ADGRL2: variants seen among roughly 807,000 people sequenced by gnomAD.
ADGRL2 encodes adhesion G protein-coupled receptor L2.
Under a neutral mutation model 157.4 loss-of-function variants are expected in ADGRL2, and 44 were observed. That is an observed-to-expected ratio of 0.28 (90% confidence interval 0.22 to 0.36). ADGRL2 has a LOEUF of 0.36. ADGRL2 is among the 10% of genes least tolerant of loss of function. ADGRL2 has a pLI of 1.00. For missense variants in ADGRL2, 1,510 were observed against 1,768.9 expected (o/e 0.85, Z 2.63); for synonymous variants, 585 against 624.7 (o/e 0.94, Z 0.95).
At chr1:81,981,449 A>G (rs17107618) in intron 18 of ADGRL2, among the ~76,000 whole-genome samples, 4,547 of 152,058 alleles carry the variant, frequency 0.03, 75 homozygotes, top group Non-Finnish European at 0.037. Flanking sequence ...TGAGTACACC[A>G]TAGGAATAAA....
chr1:81,349,431 G>A (rs1265130961), intron 1 of ADGRL2, among the ~76,000 whole-genome samples: 1 of 152,046 alleles, frequency 6.6e-6, no homozygotes. Flanking sequence ...GTAAACCTTG[G>A]CACACAGGCA....
Position 81,783,495 on chromosome 1 carries a change from T to A in ADGRL2, c.-101+21643T>A, listed in dbSNP as rs542274210. ...TTTGCCTCTATCTTCTTCTTATTTT[T>A]ATCTCTTGTTGTTTGTAAATCTCCT... On this transcript the variant is annotated intron_variant, in intron 2 of 20. Transcript: ENST00000359929. Among the ~76,000 whole-genome samples, 17 of 152,256 alleles carry A rather than the reference T, an allele frequency of 1.1e-4. No homozygotes were observed. In the South Asian group the frequency reaches 1.4e-3, roughly 13 times the overall value.
rs1001941417 is a variant in ADGRL2 at position 81,527,268 on chromosome 1, G to T, written c.-247-53608G>T. ...CCAGTTTCCCTCATCACAAAGTGTT[G>T]TCAGTCGCAGCTGTAGTCTGAGTTT... On this transcript the variant is annotated intron_variant, in intron 2 of 24. Transcript: ENST00000370721. Among the ~76,000 whole-genome samples, 6 of 152,228 alleles carry T rather than the reference G, an allele frequency of 3.9e-5. No individual in the cohort carries two copies. In the East Asian group the frequency reaches 1.2e-3, roughly 29 times the overall value.
intron 3 of ADGRL2, among the ~76,000 whole-genome samples, chr1:81,645,748 G>A (rs190019514): frequency 2.6e-4 from 40 of 152,090 alleles, no homozygotes; most frequent in Admixed American, 3.3e-4. Context: ...CTTGTGAGTC[G>A]TTCTTCACTT....
chr1:81,571,423 ATG>A (rs201384435), intron 2 of ADGRL2, among the ~76,000 whole-genome samples: 9 of 147,804 alleles, frequency 6.1e-5, no homozygotes, highest in African/African-American at 1.5e-4. Context: ...ATGTATATAT[ATG>A]TGTGTGTGTG....
At chr1:81,723,019 A>G (rs1276365759) in intron 1 of ADGRL2, 2 of 775,908 alleles carry the variant, frequency 2.6e-6, no homozygotes, top group Non-Finnish European at 4.6e-6. Flanking sequence ...ACAGCAACCC[A>G]AAGGTTATGA....
intron 3 of ADGRL2, among the ~76,000 whole-genome samples, chr1:81,674,439 A>G (rs2082942261): frequency 6.6e-6 from 1 of 152,200 alleles, no homozygotes. Context: ...CTTTCCTGAC[A>G]GCCCAAACTT....
chr1:81,729,971 A>G (rs2084665002), intron 1 of ADGRL2, among the ~76,000 whole-genome samples: 1 of 152,226 alleles, frequency 6.6e-6, no homozygotes, highest in African/African-American at 2.4e-5. Context: ...ACTGATAGAG[A>G]TAGTTTCACC....
intron 2 of ADGRL2, among the ~76,000 whole-genome samples, chr1:81,471,892 T>C (rs1009897559): frequency 3.3e-5 from 5 of 152,222 alleles, no homozygotes; most frequent in African/African-American, 1.2e-4. Context: ...TTTTCTTCAG[T>C]ATATTGGCTA....
At chr1:81,475,954 A>G (rs888802540) in intron 2 of ADGRL2, among the ~76,000 whole-genome samples, 4 of 152,166 alleles carry the variant, frequency 2.6e-5, no homozygotes, top group Middle Eastern at 3.2e-3. Context: ...TTCCATTTCT[A>G]TGCCAGAAGG....
chr1:81,451,820 C>A (rs2077708061), intron 2 of ADGRL2, among the ~76,000 whole-genome samples: 1 of 152,150 alleles, frequency 6.6e-6, no homozygotes, highest in African/African-American at 2.4e-5. Context: ...ATTAAAACCA[C>A]TCTATTTTAT....
chr1:81,587,204 C>T (rs2081045442), intron 3 of ADGRL2, among the ~76,000 whole-genome samples: 1 of 151,932 alleles, frequency 6.6e-6, no homozygotes, highest in African/African-American at 2.4e-5. Context: ...ATTCTTAGAA[C>T]ATTCAAAGTT....
intron 1 of ADGRL2, among the ~76,000 whole-genome samples, chr1:81,369,870 T>C (rs1397031544): frequency 6.6e-6 from 1 of 152,224 alleles, no homozygotes; most frequent in African/African-American, 2.4e-5. Context: ...TTATTTATTT[T>C]TTATTTCACT....
At chr1:81,433,858 A>G (rs964746327) in intron 1 of ADGRL2, among the ~76,000 whole-genome samples, 1 of 152,132 alleles carries the variant, frequency 6.6e-6, no homozygotes, top group Non-Finnish European at 1.5e-5. Flanking sequence ...AAGTCATGTA[A>G]AGGCTTCAGG....
chr1:81,825,754 C>T (rs528158563), intron 1 of ADGRL2, among the ~76,000 whole-genome samples: 1 of 133,602 alleles, frequency 7.5e-6, no homozygotes, highest in Admixed American at 7.5e-5. Context: ...AGAAACATTT[C>T]TGAGATCAAC....
rs12133043 is a variant in ADGRL2 at position 81,344,682 on chromosome 1, A to T, written c.-302+38173A>T. On this transcript the variant is annotated intron_variant, in intron 1 of 24. Coordinates refer to the ADGRL2 transcript ENST00000370721. ...ACTCTGTCTCAAAAAAAAAAAAAAA[A>T]AAAAAAAAGCAGATTATATTTAAAA... Among the ~76,000 whole-genome samples the T allele has an allele frequency of 5.3e-3, 784 of 147,200 alleles. 9 individuals are homozygous for T. Among genetic ancestry groups the T allele is most frequent in the African/African-American group, 0.018 (721 of 40,536 alleles).
At chr1:81,359,427 G>T (rs971932523) in intron 1 of ADGRL2, among the ~76,000 whole-genome samples, 1 of 151,906 alleles carries the variant, frequency 6.6e-6, no homozygotes, top group African/African-American at 2.4e-5. Flanking sequence ...ATCCCTAGAG[G>T]TATATGGGAA....
chr1:81,381,382 GT>G (rs2076341535), intron 1 of ADGRL2, among the ~76,000 whole-genome samples: 1 of 151,890 alleles, frequency 6.6e-6, no homozygotes, highest in African/African-American at 2.4e-5. Flanking sequence ...ATGGCTGTTG[GT>G]TTAAACTAGA....
chr1:81,550,153 A>G (rs1418613820), intron 2 of ADGRL2, among the ~76,000 whole-genome samples: 1 of 152,178 alleles, frequency 6.6e-6, no homozygotes, highest in African/African-American at 2.4e-5. Flanking sequence ...GCACAGATGG[A>G]AGATGCCAGT....
Sources: gnomAD v4.1 joint callset for allele counts (sites outside exome capture counted in the v4.1 genomes callset) on GRCh38, gnomAD v4.1.1 for gene constraint, MANE v1.5 for transcripts, NCBI Gene and HGNC (gene_info 2026-07-23, HGNC 2026-07-21) for gene names.